Variants in KLHDC1 observed in about 807,000 individuals in gnomAD.
The protein encoded by KLHDC1 is kelch domain-containing protein 1.
In KLHDC1, 53 loss-of-function variants were observed where a neutral mutation model predicts 68.3. That is an observed-to-expected ratio of 0.78 (90% CI 0.62 to 0.98). The LOEUF is 0.98. KLHDC1 is among the 50% of genes least tolerant of loss of function. The pLI is 0.00. For synonymous variants in KLHDC1, 148 were observed against 159.0 expected, an observed-to-expected ratio of 0.93 and a Z score of 0.52; for missense variants, 470 against 492.3, an observed-to-expected ratio of 0.95 and a Z score of 0.43.
Position 49,719,308 on chromosome 14 carries a change from T to C in KLHDC1, c.405-4566T>C, listed in dbSNP as rs139343933. 4.9e-3 allele frequency among the ~76,000 whole-genome samples: 750 copies of C among 152,214 alleles called. 3 individuals are homozygous for C. The highest frequency in any genetic ancestry group is 0.016 in the African/African-American group (652 of 41,570). On this transcript the variant is annotated intron_variant, in intron 4 of 12. Transcript: ENST00000359332. ...CTCGTAAGTTTTGTTATGTTTTTAT[T>C]TTCATTTATCTCAAGGTAATTTCTA... is the stretch of plus-strand genomic sequence containing the variant.
intron 10 of KLHDC1, among the ~76,000 whole-genome samples, chr14:49,737,082 G>T (rs147365168): frequency 4.4e-4 from 67 of 152,302 alleles, no homozygotes; most frequent in African/African-American, 1.6e-3. Context: ...TGGATCTCGT[G>T]AGTATCGCCA....
At chr14:49,735,952 C>G (rs1230529841) in intron 10 of KLHDC1, among the ~76,000 whole-genome samples, 1 of 151,950 alleles carries the variant, frequency 6.6e-6, no homozygotes, top group Non-Finnish European at 1.5e-5. Context: ...GAGGTTGAGG[C>G]TGCAGTGAGC....
chr14:49,694,237 G>A (rs1286604733), intron 1 of KLHDC1, among the ~76,000 whole-genome samples: 2 of 152,114 alleles, frequency 1.3e-5, no homozygotes, highest in African/African-American at 4.8e-5. Context: ...AATTATAGAA[G>A]CAAGAATGGT....
chr14:49,748,802 T>C, intron 12 of KLHDC1, among the ~76,000 whole-genome samples: 1 of 150,938 alleles, frequency 6.6e-6, no homozygotes, highest in Non-Finnish European at 1.5e-5. Context: ...AAATTTTTTT[T>C]CTTTTTTTTT....
At chr14:49,704,939 G>T (rs1306770665) in intron 1 of KLHDC1, among the ~76,000 whole-genome samples, 4 of 152,178 alleles carry the variant, frequency 2.6e-5, no homozygotes, top group African/African-American at 9.7e-5. Context: ...CTGTACTCAT[G>T]AAGCTTACAG....
intron 4 of KLHDC1, among the ~76,000 whole-genome samples, chr14:49,713,981 G>A (rs1217285186): frequency 3.4e-5 from 5 of 147,036 alleles, no homozygotes; most frequent in Admixed American, 6.8e-5. Flanking sequence ...CAAGTAGCTG[G>A]GATTACAGGT....
intron 4 of KLHDC1, among the ~76,000 whole-genome samples, chr14:49,719,648 G>A (rs1002001075): frequency 2.6e-5 from 4 of 151,816 alleles, no homozygotes; most frequent in Non-Finnish European, 5.9e-5. Flanking sequence ...ATGTTGGCCA[G>A]GCTGGTCTCG....
At chr14:49,722,370 G>T (rs750197321) in intron 4 of KLHDC1, among the ~76,000 whole-genome samples, 1 of 152,148 alleles carries the variant, frequency 6.6e-6, no homozygotes, top group Non-Finnish European at 1.5e-5. Flanking sequence ...GCGGTGTTTG[G>T]TTTTTTGTCC....
chr14:49,728,781 A>G, intron 6 of KLHDC1, 145 bp from the exon 7 acceptor site: 1 of 659,868 alleles, frequency 1.5e-6, no homozygotes, highest in Non-Finnish European at 2.7e-6. Context: ...TACTATTTAG[A>G]ATAAACTTTT....
chr14:49,746,669 A>G (rs558687886), intron 12 of KLHDC1, among the ~76,000 whole-genome samples: 36 of 152,278 alleles, frequency 2.4e-4, no homozygotes, highest in Non-Finnish European at 4.1e-4. Context: ...AGGTGTTGCC[A>G]TCTACTAACC....
At chr14:49,743,097 G>A (rs1266543619) in intron 11 of KLHDC1, among the ~76,000 whole-genome samples, 3 of 125,952 alleles carry the variant, frequency 2.4e-5, no homozygotes, top group Non-Finnish European at 3.4e-5. Flanking sequence ...AAAAAAAAAG[G>A]TTTGAAAACC....
At chr14:49,745,266 G>C (rs1444618974) in intron 12 of KLHDC1, among the ~76,000 whole-genome samples, 1 of 152,288 alleles carries the variant, frequency 6.6e-6, no homozygotes, top group Non-Finnish European at 1.5e-5. Context: ...CCTTCTCTTA[G>C]CACAGTAGTT....
chr14:49,711,328 A>G (rs1448198979), intron 4 of KLHDC1, among the ~76,000 whole-genome samples: 2 of 152,114 alleles, frequency 1.3e-5, no homozygotes, highest in African/African-American at 2.4e-5. Flanking sequence ...CAGCCTCCCG[A>G]GTAGCTGGGA....
intron 4 of KLHDC1, among the ~76,000 whole-genome samples, chr14:49,715,573 C>T (rs972228580): frequency 1.9e-4 from 29 of 150,102 alleles, no homozygotes; most frequent in Non-Finnish European, 2.7e-4. Context: ...AGTGAAACCC[C>T]GTCTCTACTA....
In KLHDC1 at chr14:49,693,748, C is replaced by CTTTTTTTT. The variant is rs1231129663; in HGVS notation, c.96+467_96+474dup. On this transcript the variant is annotated intron_variant, in intron 1 of 12. Coordinates refer to ENST00000359332, the MANE Select transcript of KLHDC1 (RefSeq NM_172193.3). Reference sequence around the variant, plus strand: ...TAAATATTTATTTTCTTTTCTTTTTCTTTTTTTTTTTTTTTTGAGATGGAG... The same window carrying CTTTTTTTT: ...TAAATATTTATTTTCTTTTCTTTTTCTTTTTTTTTTTTTTTTTTTTTTTTGAGATGGAG... Among the ~76,000 whole-genome samples the CTTTTTTTT allele has an allele frequency of 6.8e-3, 420 of 61,524 alleles. 109 individuals are homozygous for CTTTTTTTT. Among genetic ancestry groups the CTTTTTTTT allele is most frequent in the Admixed American group, 0.033 (201 of 6,098 alleles). 40.4% of individuals were successfully genotyped at this position (61,524 alleles called of 152,430 possible).
chr14:49,704,834 C>T (rs538568728), intron 1 of KLHDC1, among the ~76,000 whole-genome samples: 7 of 152,192 alleles, frequency 4.6e-5, no homozygotes, highest in African/African-American at 1.2e-4. Flanking sequence ...TTGGACTGGG[C>T]GCAGTGGCTC....
chr14:49,718,769 CTTTTTTT>C (rs71115397), intron 4 of KLHDC1, among the ~76,000 whole-genome samples: 2 of 76,844 alleles, frequency 2.6e-5, no homozygotes, highest in African/African-American at 5.3e-5. Flanking sequence ...TTCTTTCTTT[CTTTTTTT>C]TTTTTTTTTT....
At chr14:49,693,531 G>C (rs1887634023) in intron 1 of KLHDC1, among the ~76,000 whole-genome samples, 1 of 151,600 alleles carries the variant, frequency 6.6e-6, no homozygotes, top group African/African-American at 2.4e-5. Context: ...ACCACTCTCC[G>C]CCCCTCTTTG....
rs529394136 is a variant in KLHDC1 at position 49,694,800 on chromosome 14, G to A, written c.96+1510G>A. 2.0e-5 allele frequency among the ~76,000 whole-genome samples: 3 copies of A among 152,312 alleles called. No individual in the cohort carries two copies. In the East Asian group the frequency reaches 5.8e-4, roughly 29 times the overall value. ...ACCCGGGAGGCGGAGGTTGCAGTAA[G>A]CCAAGATTGCGCCATTGCATTCCAG... On this transcript the variant is annotated intron_variant, in intron 1 of 12. Coordinates refer to ENST00000359332, the MANE Select transcript of KLHDC1 (RefSeq NM_172193.3).
Sources: gnomAD v4.1 joint callset for allele counts (sites outside exome capture counted in the v4.1 genomes callset) on GRCh38, gnomAD v4.1.1 for gene constraint, MANE v1.5 for transcripts, NCBI Gene and HGNC (gene_info 2026-07-23, HGNC 2026-07-21) for gene names.